Variants in TDRD6 observed in about 807,000 individuals in gnomAD.
TDRD6 encodes the protein tudor domain containing 6, also known as tudor domain-containing protein 6.
TDRD6 carries 186 observed loss-of-function variants against 157.5 expected under a neutral mutation model. The ratio of observed to expected loss-of-function variants is 1.18; its 90% CI spans 1.05 to 1.33. TDRD6 has a LOEUF of 1.33. Among genes scored for constraint, TDRD6 ranks in the 40% most tolerant of loss-of-function variants. The probability of loss-of-function intolerance (pLI) is 0.00; values close to 1 mark genes in which losing one functional copy is unlikely to be tolerated. For synonymous variants in TDRD6, 1,075 were observed against 945.2 expected, an observed-to-expected ratio of 1.14 and a Z score of -2.52; for missense variants, 3,066 against 2,508.0, an observed-to-expected ratio of 1.22 and a Z score of -4.75.
At position 46,689,095 on chromosome 6, in the gene TDRD6, G is replaced by C; in HGVS notation, c.967G>C (p.Asp323His). ...PGSPCASCGL[D>H]GHWYRALLLE... ...CTCTCCGTGTGCATCCTGTGGCCTGGATGGACATTGGTACAGAGCACTGTT... is the reference window on the plus strand; with the variant it reads ...CTCTCCGTGTGCATCCTGTGGCCTGCATGGACATTGGTACAGAGCACTGTT... The change falls in exon 1 of 4, where the codon GAT (aspartate) becomes CAT (histidine). Residue 323 changes from aspartate (D) to histidine (H), a missense_variant. Coordinates refer to ENST00000316081, the MANE Select transcript of TDRD6 (RefSeq NM_001010870.3). 6.2e-7 allele frequency: 1 copy of C among 1,614,200 alleles called. No homozygotes were observed. Among genetic ancestry groups the C allele is most frequent in the Non-Finnish European group, 8.5e-7 (1 of 1,180,046 alleles).
At chr6:46,696,448 G>GTA (rs893865136) in intron 2 of TDRD6, among the ~76,000 whole-genome samples, 223 of 96,348 alleles carry the variant, frequency 2.3e-3, no homozygotes, top group Admixed American at 3.4e-3. Flanking sequence ...GAGTTACTTG[G>GTA]TATATATATA....
intron 3 of TDRD6, among the ~76,000 whole-genome samples, chr6:46,698,399 C>T (rs554521561): frequency 1.3e-4 from 20 of 152,210 alleles, no homozygotes; most frequent in Non-Finnish European, 2.4e-4. Flanking sequence ...TAACAATCAC[C>T]GATAATATAC....
At position 46,690,483 on chromosome 6, in the gene TDRD6, C is replaced by G; in HGVS notation, c.2355C>G (p.Gly785=). 1 of 1,614,060 alleles carries G rather than the reference C, an allele frequency of 6.2e-7. No homozygotes were observed. Among genetic ancestry groups the G allele is most frequent in the Non-Finnish European group, 8.5e-7 (1 of 1,179,946 alleles). ...GAGTGTCTTATGTTGAAAACCCTGG[C>G]TATTTCTGGTGTCAGCTGACCAGGA... is the stretch of plus-strand genomic sequence containing the variant. ...EVRVSYVENP[G]YFWCQLTRNI... Residue 785 remains glycine (G), a synonymous_variant, in exon 1 of 4, where the codon GGC becomes GGG. Transcript: ENST00000316081.
chr6:46,683,680 A>G (rs1441556270), upstream of TDRD6, among the ~76,000 whole-genome samples: 2 of 152,062 alleles, frequency 1.3e-5, no homozygotes, highest in African/African-American at 2.4e-5. Flanking sequence ...AGGAGAGAAC[A>G]TATTTTTTAA....
chr6:46,697,142 A>G (rs1294368037), intron 2 of TDRD6, among the ~76,000 whole-genome samples: 1 of 152,146 alleles, frequency 6.6e-6, no homozygotes, highest in Admixed American at 6.5e-5. Context: ...TATTAAATGG[A>G]CATCAAAATT....
chr6:46,692,218 C>G lies in TDRD6; in HGVS notation c.4090C>G (p.Pro1364Ala). The change falls in exon 1 of 4, where the codon CCA (proline) becomes GCA (alanine). Residue 1364 changes from proline to alanine, a missense_variant. By Grantham distance (27) the Pro-to-Ala change is conservative. Transcript: ENST00000316081. ...QRGDMICAVFPEDNLWYRAVI... is the reference protein window; with the variant it reads ...QRGDMICAVFAEDNLWYRAVI... ...AGGAGATATGATATGTGCTGTTTTC[C>G]CAGAAGATAATTTATGGTATCGTGC... is the stretch of plus-strand genomic sequence containing the variant. The G allele has an allele frequency of 6.2e-7, 1 of 1,613,954 alleles. No individual in the cohort carries two copies. The highest frequency in any genetic ancestry group is 1.1e-5 in the South Asian group (1 of 91,056).
chr6:46,689,900 G>C lies in TDRD6; in HGVS notation c.1772G>C (p.Arg591Thr), dbSNP rs761577520. The C allele has an allele frequency of 6.2e-7, 1 of 1,614,174 alleles. No homozygotes were observed. Among genetic ancestry groups the C allele is most frequent in the Non-Finnish European group, 8.5e-7 (1 of 1,180,036 alleles). The change falls in exon 1 of 4, where the codon AGG becomes ACG. Residue 591 changes from arginine to threonine, a missense_variant. Coordinates refer to ENST00000316081, the MANE Select transcript of TDRD6 (RefSeq NM_001010870.3). ...YDVRMLLPQF[R>T]QLPILAVKCT... ...GTAAGGATGCTGCTTCCTCAGTTTA[G>C]GCAGCTACCAATATTGGCTGTGAAG...
chr6:46,694,581 A>T (rs1329656945), intron 1 of TDRD6, among the ~76,000 whole-genome samples: 2 of 152,248 alleles, frequency 1.3e-5, no homozygotes, highest in Middle Eastern at 3.2e-3. Context: ...AAGAGATTAA[A>T]AACCTGGAAA....
chr6:46,688,162 G>T lies in TDRD6; in HGVS notation c.34G>T (p.Ala12Ser), dbSNP rs771290114. ...CSTPGMPAPG[A>S]SLALRVSFVD... is the part of the protein sequence containing the mutation. ...GACGCCCGGAATGCCGGCGCCGGGG[G>T]CCTCGCTGGCCCTGCGGGTGTCCTT... Residue 12 changes from alanine to serine, a missense_variant, in exon 1 of 4, where the codon GCC becomes TCC. Physicochemically the swap from Ala to Ser is moderately conservative, Grantham distance 99 (BLOSUM62 1). Transcript: ENST00000316081. 2.6e-6 allele frequency: 4 copies of T among 1,545,502 alleles called. No homozygotes were observed. The highest frequency in any genetic ancestry group is 2.8e-5 in the African/African-American group (2 of 72,122).
upstream of TDRD6, chr6:46,687,643 G>A (rs140100631): frequency 2.7e-3 from 418 of 153,302 alleles, 2 homozygotes; most frequent in African/African-American, 9.4e-3. Context: ...TTGGGAGGAC[G>A]AAAAGGAAAT....
At chr6:46,681,632 GA>G in the TDRD6 span, 81 of 465,510 alleles carry the variant, frequency 1.7e-4, no homozygotes, top group African/African-American at 1.1e-3. Context: ...TAACAAACAG[GA>G]ATATATGTGA....
At position 46,695,357 on chromosome 6, in the gene TDRD6, G is replaced by C. The variant is rs143106003; in HGVS notation, c.6047-464G>C. On this transcript the variant is annotated intron_variant, in intron 1 of 3. Transcript: ENST00000316081. ...TCAAAATATTTTAATTGCATGGTAT[G>C]CCATCCTATGGGTAACACATAAGTT... 4.2e-3 allele frequency among the ~76,000 whole-genome samples: 638 copies of C among 152,180 alleles called. 2 individuals carry two copies. Among genetic ancestry groups the C allele is most frequent in the Non-Finnish European group, 6.0e-3 (405 of 67,984 alleles).
Position 46,692,195 on chromosome 6 carries a change from G to C in TDRD6, c.4067G>C (p.Gly1356Ala). Residue 1356 changes from glycine (G) to alanine (A), a missense_variant, in exon 1 of 4, where the codon GGA becomes GCA. Transcript: ENST00000316081. ...TATGTAGGTCCACCTTTGCAAAGAG[G>C]AGATATGATATGTGCTGTTTTCCCA... ...EYYVGPPLQRGDMICAVFPED... is the reference protein window; with the variant it reads ...EYYVGPPLQRADMICAVFPED... 12 of 1,614,134 alleles carry C rather than the reference G, an allele frequency of 7.4e-6. No individual in the cohort carries two copies. The highest frequency in any genetic ancestry group is 8.5e-6 in the Non-Finnish European group (10 of 1,180,004).
In TDRD6 at chr6:46,689,367, C is replaced by G. The variant is rs201273188; in HGVS notation, c.1239C>G (p.Cys413Trp). Residue 413 changes from cysteine (C) to tryptophan (W), a missense_variant, in exon 1 of 4, where the codon TGC (cysteine) becomes TGG (tryptophan). By Grantham distance (215) the Cys-to-Trp change is radical. Transcript: ENST00000316081. Reference sequence around the variant, plus strand: ...TGAATGCAAAGATTGAATTTTATTGCTCCTTTGAGCATGTGTATTATGTCA... The same window carrying G: ...TGAATGCAAAGATTGAATTTTATTGGTCCTTTGAGCATGTGTATTATGTCA... Reference protein sequence around the residue: ...KAVNAKIEFYCSFEHVYYVSL... With the variant: ...KAVNAKIEFYWSFEHVYYVSL... The G allele has an allele frequency of 6.2e-7, 1 of 1,613,984 alleles. No homozygotes were observed. The highest frequency in any genetic ancestry group is 8.5e-7 in the Non-Finnish European group (1 of 1,180,034).
intron 2 of TDRD6, 109 bp from the exon 3 acceptor site, chr6:46,697,889 A>AAATAATAAT (rs765087436): frequency 3.9e-5 from 21 of 541,288 alleles, no homozygotes; most frequent in African/African-American, 3.9e-4. Flanking sequence ...CCCTATCTCA[A>AAATAATAAT]AATAATAATA....
At chr6:46,694,443 C>G (rs1009213775) in intron 1 of TDRD6, among the ~76,000 whole-genome samples, 1 of 151,966 alleles carries the variant, frequency 6.6e-6, no homozygotes, top group Admixed American at 6.6e-5. Context: ...CTCAAGCAGT[C>G]CTTCTGCCTC....
Position 46,691,695 on chromosome 6 carries a change from G to T in TDRD6, c.3567G>T (p.Leu1189Phe), listed in dbSNP as rs1181429657. ...AAGAAAAAAATGAGAATATGAAGTTGCCATGTACAGAGTATTTAAGTAAAT... is the reference window on the plus strand; with the variant it reads ...AAGAAAAAAATGAGAATATGAAGTTTCCATGTACAGAGTATTTAAGTAAAT... ...TLEEKNENMK[L>F]PCTEYLSKSV... The change falls in exon 1 of 4, where the codon TTG becomes TTT. Residue 1189 changes from leucine (L) to phenylalanine (F), a missense_variant. Transcript: ENST00000316081. 1 of 1,610,696 alleles carries T rather than the reference G, an allele frequency of 6.2e-7. No homozygotes were observed. The highest frequency in any genetic ancestry group is 1.3e-5 in the African/African-American group (1 of 74,524).
chr6:46,695,185 G>T lies in TDRD6; in HGVS notation c.6047-636G>T, dbSNP rs925068736. Among the ~76,000 whole-genome samples, 7 of 152,140 alleles carry T rather than the reference G, an allele frequency of 4.6e-5. No homozygotes were observed. In the East Asian group the frequency reaches 1.4e-3, roughly 29 times the overall value. ...GAATAGTGAGAATGAAAATCAACAA[G>T]AAGTGATCAATGTTAACACCATGAT... On this transcript the variant is annotated intron_variant, in intron 1 of 3. Coordinates refer to ENST00000316081, the MANE Select transcript of TDRD6 (RefSeq NM_001010870.3).
chr6:46,690,563 C>G lies in TDRD6; in HGVS notation c.2435C>G (p.Thr812Arg). 1.2e-6 allele frequency: 2 copies of G among 1,614,174 alleles called. No homozygotes were observed. The highest frequency in any genetic ancestry group is 1.7e-6 in the Non-Finnish European group (2 of 1,180,024). Residue 812 changes from threonine to arginine, a missense_variant, in exon 1 of 4, where the codon ACA becomes AGA. Transcript: ENST00000316081. ...MSDIQYYCKNTAAPHQRNTLA... is the reference protein window; with the variant it reads ...MSDIQYYCKNRAAPHQRNTLA... ...GATATTCAGTACTATTGCAAAAATA[C>G]AGCTGCTCCTCACCAGAGAAACACC...
Sources: allele counts gnomAD v4.1 joint callset (sites outside exome capture counted in the v4.1 genomes callset), GRCh38; gene constraint gnomAD v4.1.1; transcripts MANE v1.5; gene names NCBI Gene and HGNC (gene_info 2026-07-23, HGNC 2026-07-21).